The following APOA1 variants were observed in gnomAD, a reference collection of about 807,000 sequenced individuals.
APOA1 encodes the protein apolipoprotein A-I.
Under a neutral mutation model 25.9 loss-of-function variants are expected in APOA1, and 22 were observed. The ratio of observed to expected loss-of-function variants is 0.85; its 90% CI spans 0.61 to 1.21. The LOEUF (loss-of-function observed/expected upper bound fraction) is 1.21. Ranked by LOEUF, APOA1 falls within the 50% of genes most tolerant of loss-of-function variation. The pLI is 0.00. For synonymous variants in APOA1, 163 were observed against 152.2 expected (o/e 1.07, Z -0.52); for missense variants, 351 against 347.9 (o/e 1.01, Z -0.07).
At chr11:116,837,265 C>T (rs1941578657) in intron 2 of APOA1, 80 bp downstream of exon 2, 3 of 1,591,924 alleles carry the variant, frequency 1.9e-6, no homozygotes, top group Admixed American at 1.7e-5. Flanking sequence ...AACCTGCTGC[C>T]TCTGCCCAGG....
At chr11:116,836,891 G>A in intron 3 of APOA1, 110 bp downstream of exon 3, 2 of 1,255,676 alleles carry the variant, frequency 1.6e-6, no homozygotes, top group Non-Finnish European at 2.3e-6. Context: ...GACCATCTGT[G>A]GGGCCCAGCT....
intron 1 of APOA1, 78 bp downstream of exon 1, chr11:116,837,527 C>T: frequency 9.4e-7 from 1 of 1,068,408 alleles, no homozygotes; most frequent in Non-Finnish European, 1.4e-6. Context: ...ACCTCAGGTA[C>T]CCAGAGGCCC....
At chr11:116,837,535 C>T in intron 1 of APOA1, 70 bp downstream of exon 1, 2 of 1,004,918 alleles carry the variant, frequency 2.0e-6, no homozygotes, top group Non-Finnish European at 3.0e-6. Context: ...TACCCAGAGG[C>T]CCGGCCTGGG....
In APOA1 at chr11:116,836,202, T is replaced by C; in HGVS notation, c.410A>G (p.Glu137Gly). Reference protein sequence around the residue: ...DFQKKWQEEMELYRQKVEPLR... With the variant: ...DFQKKWQEEMGLYRQKVEPLR... ...CGGCTCCACCTTCTGGCGGTAGAGC[T>C]CCATCTCCTCCTGCCACTTCTTCTG... The change falls in exon 4 of 4, where the codon GAG (glutamate) becomes GGG (glycine). Residue 137 changes from glutamate (E) to glycine (G), a missense_variant. Physicochemically the swap from Glu to Gly is moderately conservative, Grantham distance 98. Transcript: ENST00000236850. 1 of 1,613,780 alleles carries C rather than the reference T, an allele frequency of 6.2e-7. No homozygotes were observed. Among genetic ancestry groups the C allele is most frequent in the Non-Finnish European group, 8.5e-7 (1 of 1,180,010 alleles).
In APOA1 at chr11:116,837,134, G is replaced by A. The variant is rs387906570; in HGVS notation, c.67C>T (p.Gln23Ter). ...GGGCTCTGGGGGGGTTCATCTTGCT[G>A]CCAGAAATGCCGAGCCTGGCTCCCT... ...LTGSQARHFW[Q>*]QDEPPQSPWD... The change falls in exon 3 of 4, where the codon CAG becomes TAG. Residue 23 changes from glutamine to a stop codon, truncating the protein, a stop_gained. Transcript: ENST00000236850. LOFTEE classifies it high-confidence loss of function. 2 of 1,613,038 alleles carry A rather than the reference G, an allele frequency of 1.2e-6. No individual in the cohort carries two copies. The highest frequency in any genetic ancestry group is 1.7e-4 in the Middle Eastern group (1 of 6,060).
rs1941541962 is a variant in APOA1 at position 116,836,160 on chromosome 11, T to C, written c.452A>G (p.Gln151Arg). The C allele has an allele frequency of 6.2e-7, 1 of 1,613,416 alleles. No homozygotes were observed. The highest frequency in any genetic ancestry group is 1.7e-5 in the Admixed American group (1 of 60,006). The change falls in exon 4 of 4, where the codon CAA becomes CGA. Residue 151 changes from glutamine to arginine, a missense_variant. Physicochemically the swap from Gln to Arg is conservative, Grantham distance 43. Coordinates refer to ENST00000236850, the MANE Select transcript of APOA1 (RefSeq NM_000039.3). Reference sequence around the variant, plus strand: ...GTGCAGCTTCTGGCGCGCGCCCTCTTGGAGCTCTGCGCGCAGCGGCTCCAC... The same window carrying C: ...GTGCAGCTTCTGGCGCGCGCCCTCTCGGAGCTCTGCGCGCAGCGGCTCCAC... ...QKVEPLRAELQEGARQKLHEL... is the reference protein window; with the variant it reads ...QKVEPLRAELREGARQKLHEL...
chr11:116,836,153 G>C lies in APOA1; in HGVS notation c.459C>G (p.Gly153=). The stretch of plus-strand genomic sequence containing the variant: ...GCAGCTCGTGCAGCTTCTGGCGCGC[G>C]CCCTCTTGGAGCTCTGCGCGCAGCG... ...VEPLRAELQE[G]ARQKLHELQE... is the part of the protein sequence containing the mutation. The change falls in exon 4 of 4, where the codon GGC becomes GGG. Residue 153 remains glycine (G), a synonymous_variant. Transcript: ENST00000236850. 1 of 1,613,342 alleles carries C rather than the reference G, an allele frequency of 6.2e-7. No homozygotes were observed.
rs367596224 is a variant in APOA1 at position 116,837,213 on chromosome 11, G to A, written c.44-56C>T. 1.7e-3 allele frequency: 2,665 copies of A among 1,606,026 alleles called. 42 individuals carry two copies. Among genetic ancestry groups the A allele is most frequent in the African/African-American group, 3.2e-3 (240 of 74,882 alleles). On this transcript the variant is annotated intron_variant, in intron 2 of 3. Coordinates refer to ENST00000236850, the MANE Select transcript of APOA1 (RefSeq NM_000039.3). ...CCAGCTGTGGGCTGAGATCTGAGCC[G>A]AAAGGCCAAGCTTGGAGGTGGGGGA...
At position 116,835,884 on chromosome 11, in the gene APOA1, A is replaced by G. The variant is rs1941528447; in HGVS notation, c.728T>C (p.Leu243Pro). Residue 243 changes from leucine (L) to proline (P), a missense_variant, in exon 4 of 4, where the codon CTG (leucine) becomes CCG (proline). Transcript: ENST00000236850. ...PALEDLRQGL[L>P]PVLESFKVSF... ...GACCTTGAAGCTCTCCAGCACGGGC[A>G]GCAGGCCTTGGCGGAGGTCCTCGAG... 6.2e-7 allele frequency: 1 copy of G among 1,613,080 alleles called. No individual in the cohort carries two copies. The highest frequency in any genetic ancestry group is 8.5e-7 in the Non-Finnish European group (1 of 1,180,014).
rs1012274433 is a variant in APOA1, at chr11:116,836,067, G to A, written c.545C>T (p.Ala182Val). ...GTAGGGGGCCAGATGCGTGCGCAGC[G>A]CGTCCACATGGGCGCGCGCGCGGTC... ...MRDRARAHVD[A>V]LRTHLAPYSD... The change falls in exon 4 of 4, where the codon GCG (alanine) becomes GTG (valine). Residue 182 changes from alanine to valine, a missense_variant. Ala to Val is a moderately conservative substitution (Grantham distance 64). Transcript: ENST00000236850. 1.2e-6 allele frequency: 2 copies of A among 1,605,360 alleles called. No individual in the cohort carries two copies. The highest frequency in any genetic ancestry group is 1.3e-5 in the African/African-American group (1 of 74,926).
Position 116,837,122 on chromosome 11 carries a change from G to T in APOA1, c.79C>A (p.Pro27Thr), listed in dbSNP as rs200213347. ...ACTCGATCCCAGGGGCTCTGGGGGG[G>T]TTCATCTTGCTGCCAGAAATGCCGA... ...QARHFWQQDE[P>T]PQSPWDRVKD... The change falls in exon 3 of 4, where the codon CCC becomes ACC. Residue 27 changes from proline to threonine, a missense_variant. Transcript: ENST00000236850. The T allele has an allele frequency of 6.2e-7, 1 of 1,613,498 alleles. No individual in the cohort carries two copies. Among genetic ancestry groups the T allele is most frequent in the East Asian group, 2.2e-5 (1 of 44,868 alleles).
rs1321768795 is a variant in APOA1, at chr11:116,836,066, C to T, written c.546G>A (p.Ala182=). 1.9e-6 allele frequency: 3 copies of T among 1,605,392 alleles called. No homozygotes were observed. Among genetic ancestry groups the T allele is most frequent in the Non-Finnish European group, 2.5e-6 (3 of 1,178,374 alleles). The change falls in exon 4 of 4, where the codon GCG becomes GCA. Residue 182 remains alanine (A), a synonymous_variant. Transcript: ENST00000236850. ...MRDRARAHVD[A]LRTHLAPYSD... ...TGTAGGGGGCCAGATGCGTGCGCAGCGCGTCCACATGGGCGCGCGCGCGGT... is the reference window on the plus strand; with the variant it reads ...TGTAGGGGGCCAGATGCGTGCGCAGTGCGTCCACATGGGCGCGCGCGCGGT...
Position 116,836,366 on chromosome 11 carries a change from G to T in APOA1, c.246C>A (p.Ser82Arg). Residue 82 changes from serine to arginine, a missense_variant, in exon 4 of 4, where the codon AGC becomes AGA. Coordinates refer to ENST00000236850, the MANE Select transcript of APOA1 (RefSeq NM_000039.3). ...CAGGGCCGAGCTGTTCGCGCAGCTT[G>T]CTGAAGGTGGAGGTCACGCTGTCCC... ...DNWDSVTSTF[S>R]KLREQLGPVT... 1 of 1,614,114 alleles carries T rather than the reference G, an allele frequency of 6.2e-7. No homozygotes were observed. The highest frequency in any genetic ancestry group is 1.1e-5 in the South Asian group (1 of 91,090).
In APOA1 at chr11:116,836,150, C is replaced by T. The variant is rs1335470357; in HGVS notation, c.462G>A (p.Ala154=). Residue 154 remains alanine (A), a synonymous_variant, in exon 4 of 4, where the codon GCG becomes GCA. Transcript: ENST00000236850. The stretch of plus-strand genomic sequence containing the variant: ...CTTGCAGCTCGTGCAGCTTCTGGCG[C>T]GCGCCCTCTTGGAGCTCTGCGCGCA... ...EPLRAELQEG[A]RQKLHELQEK... 6.2e-7 allele frequency: 1 copy of T among 1,613,338 alleles called. No individual in the cohort carries two copies. The highest frequency in any genetic ancestry group is 8.5e-7 in the Non-Finnish European group (1 of 1,180,012).
chr11:116,836,249 C>T lies in APOA1; in HGVS notation c.363G>A (p.Val121=), dbSNP rs755205186. Residue 121 remains valine, a synonymous_variant, in exon 4 of 4, where the codon GTG becomes GTA. Transcript: ENST00000236850. ...SKDLEEVKAK[V]QPYLDDFQKK... ...TCTGGAAGTCGTCCAGGTAGGGCTG[C>T]ACCTTGGCCTTCACCTCCTCCAGAT... 7 of 1,614,194 alleles carry T rather than the reference C, an allele frequency of 4.3e-6. No homozygotes were observed. The highest frequency in any genetic ancestry group is 1.3e-5 in the African/African-American group (1 of 75,072).
At position 116,835,805 on chromosome 11, in the gene APOA1, G is replaced by A. The variant is rs374998745; in HGVS notation, c.*3C>T. 1.2e-6 allele frequency: 2 copies of A among 1,612,968 alleles called. No homozygotes were observed. Among genetic ancestry groups the A allele is most frequent in the African/African-American group, 2.7e-5 (2 of 74,956 alleles). Reference sequence around the variant, plus strand: ...ACCGGGAAGGGGGGCGGCGGCGGGCGCCTCACTGGGTGTTGAGCTTCTTAG... The same window carrying A: ...ACCGGGAAGGGGGGCGGCGGCGGGCACCTCACTGGGTGTTGAGCTTCTTAG... On this transcript the variant is annotated 3_prime_UTR_variant, in exon 4 of 4. Coordinates refer to ENST00000236850, the MANE Select transcript of APOA1 (RefSeq NM_000039.3).
chr11:116,837,576 G>C (rs1360288252), intron 1 of APOA1, 29 bp downstream of exon 1: 1 of 668,308 alleles, frequency 1.5e-6, no homozygotes, highest in Non-Finnish European at 2.6e-6. Flanking sequence ...TGGGGAGCCA[G>C]AGTGACCGGG....
Position 116,836,234 on chromosome 11 carries a change from G to C in APOA1, c.378C>G (p.Asp126Glu). Residue 126 changes from aspartate (D) to glutamate (E), a missense_variant, in exon 4 of 4, where the codon GAC (aspartate) becomes GAG (glutamate). Asp to Glu is a conservative substitution (Grantham distance 45). Coordinates refer to ENST00000236850, the MANE Select transcript of APOA1 (RefSeq NM_000039.3). ...CCTCCTGCCACTTCTTCTGGAAGTC[G>C]TCCAGGTAGGGCTGCACCTTGGCCT... ...EVKAKVQPYL[D>E]DFQKKWQEEM... 1 of 1,614,140 alleles carries C rather than the reference G, an allele frequency of 6.2e-7. No individual in the cohort carries two copies. The highest frequency in any genetic ancestry group is 8.5e-7 in the Non-Finnish European group (1 of 1,180,026).
rs750085809 is a variant in APOA1, at chr11:116,837,421, AG to A, written c.-20-15del. 1.9e-6 allele frequency: 3 copies of A among 1,552,968 alleles called. No homozygotes were observed. The East Asian group carries it at 7.3e-5, about 38-fold the overall frequency. On this transcript the variant is annotated splice_polypyrimidine_tract_variant and intron_variant, in intron 1 of 3. Transcript: ENST00000236850. ...GCCGTGGGGGACCTGGAGGAGAAGA[AG>A]GGCCTGGCTGAGTGGGGTGCCTTCA... is the stretch of plus-strand genomic sequence containing the variant.
Sources: allele counts gnomAD v4.1 joint callset, GRCh38; gene constraint gnomAD v4.1.1; transcripts MANE v1.5; gene names NCBI Gene and HGNC (gene_info 2026-07-23, HGNC 2026-07-21).